Variants in RAB37 observed in about 807,000 individuals in gnomAD.
RAB37 encodes RAB37, member RAS oncogene family, also known as ras-related protein Rab-37.
A neutral mutation model predicts 33.1 loss-of-function variants in RAB37; 29 were observed. The observed-to-expected ratio is 0.88, with a 90% confidence interval of 0.65 to 1.20. The LOEUF is 1.20. RAB37 is among the 50% of genes most tolerant of loss of function. The probability of loss-of-function intolerance (pLI) is 0.00; values close to 1 mark genes in which losing one functional copy is unlikely to be tolerated. For missense variants in RAB37, 299 were observed against 301.1 expected (o/e 0.99, Z 0.05); for synonymous variants, 128 against 119.5 (o/e 1.07, Z -0.47).
At chr17:74,682,956 T>C (rs1232043728) in intron 1 of RAB37, among the ~76,000 whole-genome samples, 1 of 152,160 alleles carries the variant, frequency 6.6e-6, no homozygotes, top group Non-Finnish European at 1.5e-5. Flanking sequence ...GATGGTGTCA[T>C]CTGGAGGCTA....
At chr17:74,689,891 C>T (rs79410593) in intron 1 of RAB37, among the ~76,000 whole-genome samples, 169 of 152,194 alleles carry the variant, frequency 1.1e-3, no homozygotes, top group South Asian at 3.7e-3. Flanking sequence ...GTACTATCTT[C>T]TGAAAGCCAA....
rs372786583 is a variant in RAB37 at position 74,745,260 on chromosome 17, CCCCAG to C, written c.567-21_567-17del. ...GGGGAGGGGGCGGCTCAGCTCCTCACCCCAGCCCAGCCCAGCCCAGCCCAGCCCAT... is the reference window on the plus strand; with the variant it reads ...GGGGAGGGGGCGGCTCAGCTCCTCACCCCAGCCCAGCCCAGCCCAGCCCAT... On this transcript the variant is annotated intron_variant, in intron 8 of 8. Transcript: ENST00000392613. This position sits in a 1 kb window ranked among gnomAD's most constrained non-coding sequence, Gnocchi z 4.5. 4.1e-4 allele frequency: 656 copies of C among 1,583,484 alleles called. 1 individual carries two copies. Among genetic ancestry groups the C allele is most frequent in the Non-Finnish European group, 3.0e-4 (348 of 1,153,258 alleles).
chr17:74,711,936 G>A (rs28401464), intron 1 of RAB37, among the ~76,000 whole-genome samples: 8,876 of 122,500 alleles, frequency 0.072, 400 homozygotes, highest in East Asian at 0.16. Context: ...ACAGAGTCTC[G>A]CTCTGTCACC....
chr17:74,726,216 C>T (rs924924283), intron 1 of RAB37, among the ~76,000 whole-genome samples: 5 of 138,060 alleles, frequency 3.6e-5, no homozygotes, highest in Non-Finnish European at 7.6e-5. Context: ...GCCTGGGCGA[C>T]AGAGAGAGAC....
chr17:74,737,456 C>T (rs2034506175), intron 1 of RAB37, 91 bp downstream of exon 1: 1 of 1,354,944 alleles, frequency 7.4e-7, no homozygotes, highest in African/African-American at 1.4e-5. Flanking sequence ...TTCCCCCAGG[C>T]AGCTGCGTCT....
chr17:74,731,092 C>T (rs1049035677), intron 2 of RAB37, among the ~76,000 whole-genome samples: 11 of 152,088 alleles, frequency 7.2e-5, no homozygotes, highest in Admixed American at 7.2e-4. Flanking sequence ...GAGCCCCTGG[C>T]CAGAAACTCA....
At chr17:74,731,965 A>G (rs2034389514) in intron 2 of RAB37, among the ~76,000 whole-genome samples, 1 of 151,900 alleles carries the variant, frequency 6.6e-6, no homozygotes, top group Non-Finnish European at 1.5e-5. Context: ...AGCCAATATC[A>G]TGCCATTGCG....
chr17:74,711,913 T>C (rs1206561531), intron 1 of RAB37, among the ~76,000 whole-genome samples: 1 of 149,192 alleles, frequency 6.7e-6, no homozygotes, highest in Non-Finnish European at 1.5e-5. Context: ...TTTCTTTTTT[T>C]TTTTTTTTTG....
chr17:74,696,883 G>A (rs567844976), intron 1 of RAB37, among the ~76,000 whole-genome samples: 1 of 151,500 alleles, frequency 6.6e-6, no homozygotes, highest in East Asian at 1.9e-4. Context: ...AAGCTGGGTC[G>A]GCACAGTAGG....
In RAB37 at chr17:74,742,112, C is replaced by A; in HGVS notation, c.205-142C>A. 1 of 978,456 alleles carries A rather than the reference C, an allele frequency of 1.0e-6. No individual in the cohort carries two copies. Among genetic ancestry groups the A allele is most frequent in the Non-Finnish European group, 1.5e-6 (1 of 654,822 alleles). The allele number at this position is 978,456 out of a possible 1,614,324, so 60.6% of individuals were successfully genotyped here. ...GTCTGGGTATGGGGTTCCTGCTGCC[C>A]TGATGGTATGATCTGGCTGGAGACG... On this transcript the variant is annotated intron_variant, in intron 2 of 8. Transcript: ENST00000392613. The surrounding 1 kb of genome is among the most constrained non-coding windows in gnomAD (Gnocchi z 4.0).
At chr17:74,674,957 CG>C (rs1568052281) in intron 1 of RAB37, among the ~76,000 whole-genome samples, 1 of 152,092 alleles carries the variant, frequency 6.6e-6, no homozygotes, top group African/African-American at 2.4e-5. Flanking sequence ...GAGATATTGT[CG>C]TATGATGAAA....
intron 1 of RAB37, among the ~76,000 whole-genome samples, chr17:74,717,695 G>A (rs2034183618): frequency 6.7e-6 from 1 of 148,346 alleles, no homozygotes; most frequent in Admixed American, 6.6e-5. Flanking sequence ...TGTAATCCCA[G>A]CTACTCAGGA....
chr17:74,685,503 T>C (rs1043487956), intron 1 of RAB37, among the ~76,000 whole-genome samples: 1 of 152,166 alleles, frequency 6.6e-6, no homozygotes. Flanking sequence ...TTGGTTACTT[T>C]GAAATCACAG....
At chr17:74,726,662 A>G (rs1334552861) in intron 1 of RAB37, among the ~76,000 whole-genome samples, 2 of 152,228 alleles carry the variant, frequency 1.3e-5, no homozygotes, top group Non-Finnish European at 2.9e-5. Context: ...GGGTGGGGGC[A>G]CAGTCATGGG....
At chr17:74,704,615 A>G (rs2033356257) in intron 1 of RAB37, 3 of 1,614,140 alleles carry the variant, frequency 1.9e-6, no homozygotes, top group Non-Finnish European at 1.7e-6. Flanking sequence ...ATTGTCCTTG[A>G]TGGACACCCG....
intron 1 of RAB37, among the ~76,000 whole-genome samples, chr17:74,675,278 T>C (rs1375899494): frequency 6.6e-6 from 1 of 151,716 alleles, no homozygotes; most frequent in Non-Finnish European, 1.5e-5. Context: ...CTACTAAAAA[T>C]ACAAAAATTA....
At chr17:74,701,425 C>T (rs968015004) in intron 1 of RAB37, among the ~76,000 whole-genome samples, 2 of 152,054 alleles carry the variant, frequency 1.3e-5, no homozygotes, top group Non-Finnish European at 2.9e-5. Flanking sequence ...ATCAAAGGCC[C>T]TAATCGGGCA....
chr17:74,675,775 G>C (rs1017407698), intron 1 of RAB37, among the ~76,000 whole-genome samples: 1 of 152,200 alleles, frequency 6.6e-6, no homozygotes, highest in Admixed American at 6.5e-5. Context: ...TAGGCATTGT[G>C]TAGCTCTTGC....
In RAB37 at chr17:74,745,281, C is replaced by T. The variant is rs774155300; in HGVS notation, c.567-25C>T. On this transcript the variant is annotated intron_variant, in intron 8 of 8. Coordinates refer to ENST00000392613, the MANE Select transcript of RAB37 (RefSeq NM_001006638.3). This position sits in a 1 kb window ranked among gnomAD's most constrained non-coding sequence, Gnocchi z 4.5. ...CTCACCCCAGCCCAGCCCAGCCCAGCCCAGCCCATTGTCTCTTCTTCAAGG... is the reference window on the plus strand; with the variant it reads ...CTCACCCCAGCCCAGCCCAGCCCAGTCCAGCCCATTGTCTCTTCTTCAAGG... 1.2e-6 allele frequency: 2 copies of T among 1,607,978 alleles called. No individual in the cohort carries two copies. The highest frequency in any genetic ancestry group is 1.7e-6 in the Non-Finnish European group (2 of 1,174,974).
Sources: gnomAD v4.1 joint callset for allele counts (sites outside exome capture counted in the v4.1 genomes callset) on GRCh38, gnomAD v4.1.1 for gene constraint, Gnocchi (gnomAD v3.1) non-coding constraint, MANE v1.5 for transcripts, NCBI Gene and HGNC (gene_info 2026-07-23, HGNC 2026-07-21) for gene names.